Variants in SLC2A7 observed in about 807,000 individuals in gnomAD.
The protein encoded by SLC2A7 is solute carrier family 2, facilitated glucose transporter member 7.
SLC2A7 carries 50 observed loss-of-function variants against 50.5 expected under a neutral mutation model. That is an observed-to-expected ratio of 0.99 (90% CI 0.79 to 1.25). SLC2A7 has a LOEUF of 1.25. Ranked by LOEUF, SLC2A7 falls within the 50% of genes most tolerant of loss-of-function variation. The pLI is 0.00. For synonymous variants in SLC2A7, 308 were observed against 300.4 expected, an observed-to-expected ratio of 1.03 and a Z score of -0.26; for missense variants, 683 against 679.1, an observed-to-expected ratio of 1.01 and a Z score of -0.06.
the SLC2A7 span, among the ~76,000 whole-genome samples, chr1:8,994,725 C>T: frequency 2.0e-5 from 3 of 152,046 alleles, no homozygotes; most frequent in East Asian, 1.9e-4. Context: ...TGTGGCCAAG[C>T]GGAGACTAGA....
the SLC2A7 span, among the ~76,000 whole-genome samples, chr1:8,993,374 C>G: frequency 1.8e-4 from 28 of 152,286 alleles, no homozygotes; most frequent in Admixed American, 1.4e-3. Flanking sequence ...AGCCTTTGAG[C>G]ATTTGTAAGC....
intron 3 of SLC2A7, among the ~76,000 whole-genome samples, chr1:9,019,648 G>A (rs1640884366): frequency 6.6e-6 from 1 of 152,126 alleles, no homozygotes; most frequent in Admixed American, 6.6e-5. Flanking sequence ...GCCAGGCTGG[G>A]CATGGTGGAT....
chr1:9,025,000 G>C lies in SLC2A7; in HGVS notation c.126C>G (p.Leu42=), dbSNP rs748233167. 1.2e-6 allele frequency: 2 copies of C among 1,610,808 alleles called. No individual in the cohort carries two copies. The highest frequency in any genetic ancestry group is 2.2e-5 in the South Asian group (2 of 90,882). ...FGSAFQYGYN[L]SVVNTPHKVF... is the part of the protein sequence containing the mutation. ...CCTTGTGCGGCGTGTTGACCACAGA[G>C]AGGTTGTAGCCGTACTGGAAGGCTG... Residue 42 remains leucine (L), a synonymous_variant, in exon 2 of 12, where the codon CTC becomes CTG. Coordinates refer to ENST00000400906, the MANE Select transcript of SLC2A7 (RefSeq NM_207420.3).
chr1:9,004,666 A>G, intron 11 of SLC2A7, 86 bp downstream of exon 11: 1 of 1,524,080 alleles, frequency 6.6e-7, no homozygotes, highest in Non-Finnish European at 9.0e-7. Context: ...ACCTTGCTGG[A>G]TTCACAGATG....
intron 8 of SLC2A7, among the ~76,000 whole-genome samples, chr1:9,013,037 C>A (rs1335898975): frequency 1.3e-5 from 2 of 152,038 alleles, no homozygotes; most frequent in Non-Finnish European, 2.9e-5. Flanking sequence ...ATTACAGGTA[C>A]CCACCACCAT....
At position 9,006,780 on chromosome 1, in the gene SLC2A7, C is replaced by G. The variant is rs1640658604; in HGVS notation, c.1192+530G>C. On this transcript the variant is annotated intron_variant, in intron 10 of 11. Transcript: ENST00000400906. ...GGCAGGGAGAAGGAGGTTCAATTCT[C>G]AGGACACACTAGGGAAGGAGTCTGG... is the stretch of plus-strand genomic sequence containing the variant. Among the ~76,000 whole-genome samples the G allele has an allele frequency of 1.3e-5, 2 of 152,176 alleles. 1 individual carries two copies. The highest frequency in any genetic ancestry group is 4.1e-4 in the South Asian group (2 of 4,832).
intron 10 of SLC2A7, among the ~76,000 whole-genome samples, chr1:9,005,168 G>A (rs754446220): frequency 1.6e-4 from 25 of 152,192 alleles, no homozygotes; most frequent in Admixed American, 5.9e-4. Context: ...TAAATGGATG[G>A]GAAGCTTCGT....
chr1:8,992,693 G>A, the SLC2A7 span, among the ~76,000 whole-genome samples: 2 of 152,182 alleles, frequency 1.3e-5, no homozygotes, highest in Admixed American at 1.3e-4. Flanking sequence ...CCTACCAGAA[G>A]AATCCAGGGG....
At chr1:8,999,857 C>T (rs938897498), downstream of SLC2A7, among the ~76,000 whole-genome samples, 2 of 152,318 alleles carry the variant, frequency 1.3e-5, no homozygotes, top group Admixed American at 1.3e-4. Context: ...GGGCTCTGTA[C>T]AGATCCAGAC....
intron 11 of SLC2A7, among the ~76,000 whole-genome samples, chr1:9,003,954 A>C (rs1488427979): frequency 3.3e-5 from 5 of 151,862 alleles, no homozygotes. Context: ...CTTGGCAGCC[A>C]GTTTTGTTTC....
Position 9,008,591 on chromosome 1 carries a change from G to T in SLC2A7, c.1117-1206C>A, listed in dbSNP as rs1280169701. 7.4e-6 allele frequency among the ~76,000 whole-genome samples: 1 copy of T among 135,482 alleles called. No homozygotes were observed. Among genetic ancestry groups the T allele is most frequent in the Non-Finnish European group, 1.5e-5 (1 of 64,802 alleles). 88.9% of individuals were successfully genotyped at this position (135,482 alleles called of 152,430 possible). ...CTAGAATCCCTAAAGGTTCTGCTAA[G>T]AACTTATATTGGTTTTTTTTTTTTT... is the stretch of plus-strand genomic sequence containing the variant. On this transcript the variant is annotated intron_variant, in intron 9 of 11. Coordinates refer to ENST00000400906, the MANE Select transcript of SLC2A7 (RefSeq NM_207420.3). This position sits in a 1 kb window ranked among gnomAD's most constrained non-coding sequence, Gnocchi z 5.9.
rs781030940 is a variant in SLC2A7, at chr1:9,018,178, G to A, written c.589+45C>T. Reference sequence around the variant, plus strand: ...TCCGTCAGTAACACCTGGCACAGCCGAACGAGAGACTGGACCTAGCGTGAC... The same window carrying A: ...TCCGTCAGTAACACCTGGCACAGCCAAACGAGAGACTGGACCTAGCGTGAC... On this transcript the variant is annotated intron_variant, in intron 5 of 11. Coordinates refer to ENST00000400906, the MANE Select transcript of SLC2A7 (RefSeq NM_207420.3). The A allele has an allele frequency of 1.7e-5, 27 of 1,610,204 alleles. No individual in the cohort carries two copies. In the South Asian group the frequency reaches 2.5e-4, roughly 15 times the overall value.
At position 9,004,866 on chromosome 1, in the gene SLC2A7, C is replaced by T. The variant is rs762280742; in HGVS notation, c.1206G>A (p.Ser402=). ...GHSIGPSPVP[S]VVRTEIFLQS... is the part of the protein sequence containing the mutation. The stretch of plus-strand genomic sequence containing the variant: ...GCAGGAAGATCTCGGTCCTCACCAC[C>T]GAGGGGACAGGACCTGGAGGGCAGA... Residue 402 remains serine, a synonymous_variant, in exon 11 of 12, where the codon TCG becomes TCA. Transcript: ENST00000400906. 14 of 1,613,656 alleles carry T rather than the reference C, an allele frequency of 8.7e-6. No homozygotes were observed. The highest frequency in any genetic ancestry group is 1.3e-5 in the African/African-American group (1 of 74,860).
At chr1:9,013,775 A>G in intron 7 of SLC2A7, 140 bp from the exon 8 acceptor site, 1 of 664,664 alleles carries the variant, frequency 1.5e-6, no homozygotes, top group Non-Finnish European at 2.5e-6. Context: ...GTGGTGGGAA[A>G]AAGAGGCCTG....
intron 8 of SLC2A7, among the ~76,000 whole-genome samples, chr1:9,012,262 T>C (rs188527579): frequency 6.6e-6 from 1 of 152,320 alleles, no homozygotes; most frequent in Admixed American, 6.5e-5. Flanking sequence ...GGTTCCCAGA[T>C]GCTGTTCCTC....
At position 9,022,912 on chromosome 1, in the gene SLC2A7, G is replaced by A. The variant is rs769902399; in HGVS notation, c.311+6C>T. On this transcript the variant is annotated splice_donor_region_variant and intron_variant, in intron 3 of 11. Coordinates refer to ENST00000400906, the MANE Select transcript of SLC2A7 (RefSeq NM_207420.3). The stretch of plus-strand genomic sequence containing the variant: ...TTTAAGTGGGAGCAGTGCACCTTCT[G>A]TTTACCTGCCGCAGCTATCAACCAG... 17 of 1,613,692 alleles carry A rather than the reference G, an allele frequency of 1.1e-5. No homozygotes were observed. The highest frequency in any genetic ancestry group is 1.4e-5 in the Non-Finnish European group (17 of 1,179,900).
Position 9,004,806 on chromosome 1 carries a change from CCCGT to C in SLC2A7, c.1262_1265del (p.Asp421GlyfsTer11). On this transcript the variant is annotated frameshift_variant, in exon 11 of 12. Transcript: ENST00000400906. LOFTEE classifies it high-confidence loss of function. Reference sequence around the variant, plus strand: ...TGAAGTTGGTGAGCCAGTGCACTGCCCCGTCCACCATGAAAGCTGCCCGCCGGGA... The same window carrying C: ...TGAAGTTGGTGAGCCAGTGCACTGCCCCACCATGAAAGCTGCCCGCCGGGA... The C allele has an allele frequency of 6.2e-7, 1 of 1,614,150 alleles. No individual in the cohort carries two copies. Among genetic ancestry groups the C allele is most frequent in the Non-Finnish European group, 8.5e-7 (1 of 1,179,988 alleles).
the SLC2A7 span, among the ~76,000 whole-genome samples, chr1:8,997,384 CT>C: frequency 2.6e-5 from 4 of 152,008 alleles, no homozygotes; most frequent in Non-Finnish European, 5.9e-5. Flanking sequence ...TTTCTTATTA[CT>C]GGGTTTTGAG....
At chr1:9,002,676 G>A (rs777408482), downstream of SLC2A7, among the ~76,000 whole-genome samples, 1 of 152,160 alleles carries the variant, frequency 6.6e-6, no homozygotes, top group Non-Finnish European at 1.5e-5. Context: ...AGGGTCCTCC[G>A]TATGCTGAGC....
Sources: gnomAD v4.1 joint callset for allele counts (sites outside exome capture counted in the v4.1 genomes callset) on GRCh38, gnomAD v4.1.1 for gene constraint, Gnocchi (gnomAD v3.1) non-coding constraint, MANE v1.5 for transcripts, NCBI Gene and HGNC (gene_info 2026-07-23, HGNC 2026-07-21) for gene names.